OTOF: variants seen among roughly 807,000 people sequenced by gnomAD.
OTOF encodes the protein otoferlin, also known as fer-1-like family member 2.
In OTOF, 218 loss-of-function variants were observed where a neutral mutation model predicts 236.8. The observed-to-expected ratio is 0.92, with a 90% CI of 0.82 to 1.03. The LOEUF is 1.03. OTOF is among the 50% of genes least tolerant of loss of function. The pLI, the probability that OTOF is intolerant of heterozygous loss-of-function variation, is 0.00. For missense variants in OTOF, 2,590 were observed against 2,694.4 expected, an observed-to-expected ratio of 0.96 and a Z score of 0.86; for synonymous variants, 1,041 against 1,072.5, an observed-to-expected ratio of 0.97 and a Z score of 0.57.
chr2:26,516,151 G>C (rs1302702505), intron 5 of OTOF, among the ~76,000 whole-genome samples: 1 of 152,198 alleles, frequency 6.6e-6, no homozygotes, highest in Non-Finnish European at 1.5e-5. Flanking sequence ...CCCTGTGTTA[G>C]AGCTCCACCT....
At position 26,476,067 on chromosome 2, in the gene OTOF, G is replaced by T. The variant is rs201025968; in HGVS notation, c.2867-29C>A. 3.1e-4 allele frequency: 502 copies of T among 1,612,212 alleles called. 4 individuals are homozygous for T. In the East Asian group the frequency reaches 0.011, roughly 36 times the overall value. Reference sequence around the variant, plus strand: ...TGGGGAAGGGCAGCCTGAGGTTCCAGGATGGGCAGCCCCTCCGGCCCCCTC... The same window carrying T: ...TGGGGAAGGGCAGCCTGAGGTTCCATGATGGGCAGCCCCTCCGGCCCCCTC... On this transcript the variant is annotated intron_variant, in intron 23 of 46. Coordinates refer to ENST00000272371, the MANE Select transcript of OTOF (RefSeq NM_194248.3).
Position 26,479,259 on chromosome 2 carries a change from C to T in OTOF, c.2214+5G>A. On this transcript the variant is annotated splice_donor_5th_base_variant and intron_variant, in intron 18 of 46. Coordinates refer to ENST00000272371, the MANE Select transcript of OTOF (RefSeq NM_194248.3). ...ACCCCTGCTGGCCCCTGGCCTGGCC[C>T]TGACCAGCTTGTCGGCAATGTGGTC... 1 of 1,612,500 alleles carries T rather than the reference C, an allele frequency of 6.2e-7. No individual in the cohort carries two copies. The highest frequency in any genetic ancestry group is 8.5e-7 in the Non-Finnish European group (1 of 1,179,872).
chr2:26,464,217 C>T (rs941669763), intron 39 of OTOF, 111 bp from the exon 40 acceptor site: 9 of 1,323,026 alleles, frequency 6.8e-6, no homozygotes, highest in African/African-American at 4.3e-5. Context: ...CACCTGTCTA[C>T]CCCACCTCCT....
intron 2 of OTOF, among the ~76,000 whole-genome samples, chr2:26,535,532 C>T (rs1667048578): frequency 6.6e-6 from 1 of 152,150 alleles, no homozygotes; most frequent in Non-Finnish European, 1.5e-5. Flanking sequence ...CAGAAACTTC[C>T]CTGTCTCCCC....
At chr2:26,543,411 C>T (rs1333871237) in intron 1 of OTOF, among the ~76,000 whole-genome samples, 1 of 152,192 alleles carries the variant, frequency 6.6e-6, no homozygotes, top group Non-Finnish European at 1.5e-5. Flanking sequence ...GGGACCATCA[C>T]GAGGATGACA....
At chr2:26,541,023 T>A (rs1263558322) in intron 1 of OTOF, among the ~76,000 whole-genome samples, 2 of 152,248 alleles carry the variant, frequency 1.3e-5, no homozygotes, top group Non-Finnish European at 2.9e-5. Context: ...TGAGCATGTT[T>A]GTGTATGGGG....
chr2:26,547,024 T>C (rs1168472090), intron 1 of OTOF, among the ~76,000 whole-genome samples: 2 of 152,340 alleles, frequency 1.3e-5, no homozygotes, highest in African/African-American at 4.8e-5. Flanking sequence ...GCTAGAATTC[T>C]AGCACAGTGT....
Position 26,473,574 on chromosome 2 carries a change from G to T in OTOF, c.3409-7C>A. The T allele has an allele frequency of 6.3e-7, 1 of 1,599,158 alleles. No homozygotes were observed. ...GTAGGCCCCAGAACAGCACCTGGGA[G>T]AGGTTGGAGGGTGGGTGCAGAGAAG... On this transcript the variant is annotated splice_polypyrimidine_tract_variant and splice_region_variant and intron_variant, in intron 27 of 46. Coordinates refer to ENST00000272371, the MANE Select transcript of OTOF (RefSeq NM_194248.3). This position sits in a 1 kb window ranked among gnomAD's most constrained non-coding sequence, Gnocchi z 7.2.
intron 2 of OTOF, among the ~76,000 whole-genome samples, chr2:26,536,142 G>A (rs1667064225): frequency 1.3e-5 from 2 of 152,130 alleles, no homozygotes; most frequent in African/African-American, 2.4e-5. Context: ...GGGAGGGGAG[G>A]GAGCAGGCCG....
chr2:26,515,513 G>A (rs895005895), intron 5 of OTOF, among the ~76,000 whole-genome samples: 4 of 152,184 alleles, frequency 2.6e-5, no homozygotes, highest in South Asian at 2.1e-4. Flanking sequence ...AAACATATTT[G>A]TCCCATAAAA....
At position 26,516,519 on chromosome 2, in the gene OTOF, A is replaced by T. The variant is rs1419225749; in HGVS notation, c.408T>A (p.Asp136Glu). Residue 136 changes from aspartate (D) to glutamate (E), a missense_variant, in exon 5 of 47, where the codon GAT (aspartate) becomes GAA (glutamate). Transcript: ENST00000272371. The stretch of plus-strand genomic sequence containing the variant: ...CCTTCTCTTCCTCTTGAAGAGACTC[A>T]TCTCCCAGGAAGTCCCCATCGTCCC... The part of the protein sequence containing the change: ...GSWDDGDFLG[D>E]ESLQEEEKDS... 9 of 1,613,364 alleles carry T rather than the reference A, an allele frequency of 5.6e-6. No individual in the cohort carries two copies. The highest frequency in any genetic ancestry group is 7.6e-6 in the Non-Finnish European group (9 of 1,179,956).
At chr2:26,516,678 G>T in intron 4 of OTOF, 79 bp from the exon 5 acceptor site, 2 of 1,469,852 alleles carry the variant, frequency 1.4e-6, no homozygotes, top group East Asian at 4.5e-5. Flanking sequence ...GCTTGGTGGT[G>T]TTTACACAGC....
chr2:26,540,567 G>A (rs967062426), intron 1 of OTOF, among the ~76,000 whole-genome samples: 2 of 152,176 alleles, frequency 1.3e-5, no homozygotes, highest in Admixed American at 1.3e-4. Flanking sequence ...CATCTGTTTA[G>A]TAAGAGCTCT....
At position 26,457,697 on chromosome 2, in the gene OTOF, G is replaced by A. The variant is rs904021736; in HGVS notation, c.*541C>T. 1 of 314,446 alleles carries A rather than the reference G, an allele frequency of 3.2e-6. No individual in the cohort carries two copies. The highest frequency in any genetic ancestry group is 2.1e-5 in the African/African-American group (1 of 47,188). 19.5% of individuals were successfully genotyped at this position (314,446 alleles called of 1,614,324 possible). On this transcript the variant is annotated 3_prime_UTR_variant, in exon 47 of 47. Coordinates refer to ENST00000272371, the MANE Select transcript of OTOF (RefSeq NM_194248.3). This position sits in a 1 kb window ranked among gnomAD's most constrained non-coding sequence, Gnocchi z 4.4. Reference sequence around the variant, plus strand: ...TTAATTTCACTAAAGCTTCAATCCTGTACTTGGAAGACCTGGGGAGGGTTT... The same window carrying A: ...TTAATTTCACTAAAGCTTCAATCCTATACTTGGAAGACCTGGGGAGGGTTT...
In OTOF at chr2:26,477,644, C is replaced by T. The variant is rs1023803021; in HGVS notation, c.2315+5G>A. The T allele has an allele frequency of 6.2e-7, 1 of 1,612,344 alleles. No individual in the cohort carries two copies. Among genetic ancestry groups the T allele is most frequent in the Non-Finnish European group, 8.5e-7 (1 of 1,179,942 alleles). ...TCCCCCCACCTGCCGCCCCTCCCTT[C>T]TCACCAGCAGCCACAGCTCAGCTCC... On this transcript the variant is annotated splice_donor_5th_base_variant and intron_variant, in intron 19 of 46. Coordinates refer to ENST00000272371, the MANE Select transcript of OTOF (RefSeq NM_194248.3). This position sits in a 1 kb window ranked among gnomAD's most constrained non-coding sequence, Gnocchi z 4.7.
Position 26,489,229 on chromosome 2 carries a change from T to C in OTOF, c.1027A>G (p.Thr343Ala). 1.9e-6 allele frequency: 3 copies of C among 1,612,604 alleles called. No individual in the cohort carries two copies. Among genetic ancestry groups the C allele is most frequent in the Non-Finnish European group, 2.5e-6 (3 of 1,179,522 alleles). The change falls in exon 11 of 47, where the codon ACC becomes GCC. Residue 343 changes from threonine (T) to alanine (A), a missense_variant. Transcript: ENST00000272371. The stretch of plus-strand genomic sequence containing the variant: ...TACTCACCTGGCTGCGAGTACACGG[T>C]TCCCACGTCCATTTTGAAGGAGCCC... ...LVGSFKMDVGTVYSQPEHQFH... is the reference protein window; with the variant it reads ...LVGSFKMDVGAVYSQPEHQFH...
At chr2:26,509,187 TG>T (rs1666321841) in intron 5 of OTOF, among the ~76,000 whole-genome samples, 1 of 152,212 alleles carries the variant, frequency 6.6e-6, no homozygotes, top group Non-Finnish European at 1.5e-5. Flanking sequence ...AAGCTGGGGA[TG>T]GACAGGCTGC....
rs1453404643 is a variant in OTOF, at chr2:26,485,991, G to A, written c.1046-1358C>T. ...GTCTTGCCAGAGCAGATGTGTGTCG[G>A]ATGAGGAGATGGACAGAAAGCTCAA... On this transcript the variant is annotated intron_variant, in intron 11 of 46. Transcript: ENST00000272371. Among the ~76,000 whole-genome samples the A allele has an allele frequency of 3.9e-5, 6 of 152,356 alleles. No homozygotes were observed. The East Asian group carries it at 1.2e-3, about 29-fold the overall frequency.
chr2:26,464,261 G>T (rs921828618), intron 39 of OTOF, among the ~76,000 whole-genome samples, 155 bp from the exon 40 acceptor site: 2 of 152,154 alleles, frequency 1.3e-5, no homozygotes, highest in African/African-American at 4.8e-5. Context: ...CACAGAAGGA[G>T]AAGTGGCTTG....
Sources: allele counts gnomAD v4.1 joint callset (sites outside exome capture counted in the v4.1 genomes callset), GRCh38; gene constraint gnomAD v4.1.1; non-coding constraint Gnocchi (gnomAD v3.1); transcripts MANE v1.5; gene names NCBI Gene and HGNC (gene_info 2026-07-23, HGNC 2026-07-21).